MACROD1: variants seen among roughly 807,000 people sequenced by gnomAD.
MACROD1 encodes ADP-ribose glycohydrolase MACROD1.
In MACROD1, 31 loss-of-function variants were observed where a neutral mutation model predicts 41.4. The ratio of observed to expected loss-of-function variants is 0.75; its 90% confidence interval spans 0.56 to 1.01. MACROD1 has a LOEUF of 1.01. MACROD1 is among the 50% of genes least tolerant of loss of function. MACROD1 has a pLI of 0.00. For missense variants in MACROD1, 473 were observed against 460.0 expected (o/e 1.03, Z -0.26); for synonymous variants, 252 against 203.4 (o/e 1.24, Z -2.03).
chr11:64,144,084 C>A (rs1302680755), intron 3 of MACROD1, among the ~76,000 whole-genome samples: 1 of 151,064 alleles, frequency 6.6e-6, no homozygotes, highest in Non-Finnish European at 1.5e-5. Context: ...TCTGACCAAG[C>A]CCCCCCAACT....
intron 7 of MACROD1, 47 bp from the exon 8 acceptor site, chr11:63,999,451 ACTCCCCTGTCCGCCCCGGCCC>A: frequency 6.4e-7 from 1 of 1,557,178 alleles, no homozygotes; most frequent in East Asian, 2.4e-5. Context: ...GGCCCCGCCC[ACTCCCCTGTCCGCCCCGGCCC>A]CTCCCGGCGT....
intron 3 of MACROD1, among the ~76,000 whole-genome samples, chr11:64,015,538 C>T (rs963863214): frequency 7.9e-5 from 12 of 152,242 alleles, no homozygotes; most frequent in South Asian, 4.1e-4. Flanking sequence ...CTCACCCGGA[C>T]GCAGACGCAT....
intron 3 of MACROD1, among the ~76,000 whole-genome samples, chr11:64,124,552 C>A (rs770623364): frequency 6.6e-6 from 1 of 152,218 alleles, no homozygotes; most frequent in African/African-American, 2.4e-5. Flanking sequence ...CCCCCTCCCT[C>A]GGCATTTTTA....
At chr11:64,023,379 AG>A (rs1056339647) in intron 3 of MACROD1, among the ~76,000 whole-genome samples, 1 of 151,930 alleles carries the variant, frequency 6.6e-6, no homozygotes, top group Admixed American at 6.6e-5. Flanking sequence ...CCTCATCTGT[AG>A]GGGGGGTGAT....
At chr11:64,047,688 G>A (rs931023321) in intron 3 of MACROD1, among the ~76,000 whole-genome samples, 4 of 152,112 alleles carry the variant, frequency 2.6e-5, no homozygotes, top group Non-Finnish European at 5.9e-5. Flanking sequence ...CCTCAGGTCA[G>A]GAGCTCGAGA....
intron 3 of MACROD1, chr11:64,116,682 G>A (rs1228653996): frequency 6.2e-7 from 1 of 1,613,884 alleles, no homozygotes; most frequent in Non-Finnish European, 8.5e-7. Flanking sequence ...GGACAACAAT[G>A]TGCGCACCAT....
chr11:64,154,832 G>A (rs532238232), intron 1 of MACROD1, among the ~76,000 whole-genome samples: 1 of 152,278 alleles, frequency 6.6e-6, no homozygotes, highest in African/African-American at 2.4e-5. Context: ...CAATTCTCCT[G>A]CCTCAGCCTC....
At position 64,051,321 on chromosome 11, in the gene MACROD1, C is replaced by T. The variant is rs111668640; in HGVS notation, c.518-36040G>A. Among the ~76,000 whole-genome samples, 640 of 152,330 alleles carry T rather than the reference C, an allele frequency of 4.2e-3. 2 individuals are homozygous for T. Among genetic ancestry groups the T allele is most frequent in the African/African-American group, 0.014 (599 of 41,578 alleles). ...AGCTCTGGGCAGACACCTGCCTTGA[C>T]GGCCCTCTGGGTGCTGATGTGGTGG... On this transcript the variant is annotated intron_variant, in intron 3 of 10. Coordinates refer to ENST00000255681, the MANE Select transcript of MACROD1 (RefSeq NM_014067.4).
intron 3 of MACROD1, among the ~76,000 whole-genome samples, chr11:64,045,431 G>A (rs1943566196): frequency 6.6e-6 from 1 of 152,238 alleles, no homozygotes; most frequent in South Asian, 2.1e-4. Flanking sequence ...AAGAGCGCAG[G>A]AGAGAGGAGG....
At chr11:64,124,792 T>A (rs1373863269) in intron 3 of MACROD1, among the ~76,000 whole-genome samples, 2 of 152,156 alleles carry the variant, frequency 1.3e-5, no homozygotes, top group Admixed American at 1.3e-4. Flanking sequence ...GTGATTCTCC[T>A]GCCTCAGCCT....
At chr11:64,022,790 G>A (rs953218001) in intron 3 of MACROD1, among the ~76,000 whole-genome samples, 1 of 152,116 alleles carries the variant, frequency 6.6e-6, no homozygotes, top group Admixed American at 6.5e-5. Flanking sequence ...GGGGAGCCAG[G>A]GGAGCAGGGG....
intron 3 of MACROD1, among the ~76,000 whole-genome samples, chr11:64,112,010 C>T (rs1011033850): frequency 6.6e-5 from 10 of 152,200 alleles, no homozygotes; most frequent in African/African-American, 2.4e-4. Flanking sequence ...TGCAGCCACG[C>T]AGCCCTGGGG....
At chr11:64,114,584 C>G (rs1228666381) in intron 3 of MACROD1, among the ~76,000 whole-genome samples, 5 of 135,858 alleles carry the variant, frequency 3.7e-5, no homozygotes, top group African/African-American at 1.2e-4. Context: ...CAGGTAGATG[C>G]ATGATGGAAG....
rs188717935 is a variant in MACROD1 at position 64,090,876 on chromosome 11, A to T, written c.517+60363T>A. Reference sequence around the variant, plus strand: ...CCAGGGAGCCCTGAGGGACGAAGTAAAGCAGGAGAGGGCAGGGGGAGGGAC... The same window carrying T: ...CCAGGGAGCCCTGAGGGACGAAGTATAGCAGGAGAGGGCAGGGGGAGGGAC... On this transcript the variant is annotated intron_variant, in intron 3 of 10. Transcript: ENST00000255681. This position sits in a 1 kb window ranked among gnomAD's most constrained non-coding sequence, Gnocchi z 4.7. 6.6e-6 allele frequency among the ~76,000 whole-genome samples: 1 copy of T among 152,044 alleles called. No homozygotes were observed. Among genetic ancestry groups the T allele is most frequent in the East Asian group, 1.9e-4 (1 of 5,146 alleles).
At chr11:64,084,686 G>T (rs1944362696) in intron 3 of MACROD1, among the ~76,000 whole-genome samples, 1 of 152,240 alleles carries the variant, frequency 6.6e-6, no homozygotes, top group African/African-American at 2.4e-5. Context: ...GGGCCAGTCA[G>T]GAGGGAGCAG....
At position 64,065,789 on chromosome 11, in the gene MACROD1, C is replaced by CAA. The variant is rs58096977; in HGVS notation, c.518-50510_518-50509dup. On this transcript the variant is annotated intron_variant, in intron 3 of 10. Transcript: ENST00000255681. ...TGGGCGACAGAGCACGACTCCGCCT[C>CAA]AAAAAAAAAAAAAAAAAAAAAGATG... Among the ~76,000 whole-genome samples the CAA allele has an allele frequency of 9.2e-4, 62 of 67,524 alleles. 1 individual carries two copies. Among genetic ancestry groups the CAA allele is most frequent in the African/African-American group, 2.6e-3 (58 of 22,426 alleles). The allele number at this position is 67,524 out of a possible 152,430, so 44.3% of individuals were successfully genotyped here. A position where few individuals can be genotyped will look rare whatever the true frequency, so the allele number is the denominator to read the frequency against.
chr11:64,041,422 G>C (rs1251464404), intron 3 of MACROD1, among the ~76,000 whole-genome samples: 1 of 151,954 alleles, frequency 6.6e-6, no homozygotes, highest in Non-Finnish European at 1.5e-5. Context: ...GGAACCAGGA[G>C]GGGCTTTTCC....
chr11:64,163,910 T>A (rs1945795377), intron 1 of MACROD1, among the ~76,000 whole-genome samples: 2 of 152,146 alleles, frequency 1.3e-5, no homozygotes, highest in Non-Finnish European at 2.9e-5. Context: ...CCAGCCCCAC[T>A]CCTTGGGCCT....
intron 3 of MACROD1, among the ~76,000 whole-genome samples, chr11:64,098,815 C>T (rs1468613585): frequency 1.3e-5 from 2 of 152,204 alleles, no homozygotes; most frequent in Non-Finnish European, 2.9e-5. Flanking sequence ...TCATTTAAAA[C>T]ACCACTTCGC....
Sources: allele counts gnomAD v4.1 joint callset (sites outside exome capture counted in the v4.1 genomes callset), GRCh38; gene constraint gnomAD v4.1.1; non-coding constraint Gnocchi (gnomAD v3.1); transcripts MANE v1.5; gene names NCBI Gene and HGNC (gene_info 2026-07-23, HGNC 2026-07-21).